The following XRCC2 variants were observed in gnomAD, a reference collection of about 807,000 sequenced individuals.
The protein encoded by XRCC2 is DNA repair protein XRCC2.
In XRCC2, 24 loss-of-function variants were observed where a neutral mutation model predicts 27.3. The observed-to-expected ratio is 0.88, with a 90% CI of 0.64 to 1.24. The LOEUF is 1.24. XRCC2 is among the 50% of genes most tolerant of loss of function. XRCC2 has a pLI of 0.00. For missense variants in XRCC2, 321 were observed against 325.8 expected (o/e 0.99, Z 0.11); for synonymous variants, 106 against 115.4 (o/e 0.92, Z 0.52).
intron 1 of XRCC2, among the ~76,000 whole-genome samples, chr7:152,667,331 T>A (rs1167592992): frequency 7.3e-6 from 1 of 137,772 alleles, no homozygotes; most frequent in African/African-American, 2.8e-5. Context: ...CGCTTGAGTC[T>A]GAGGCAGAGG....
chr7:152,676,025 A>T lies in XRCC2; in HGVS notation c.39+16T>A. On this transcript the variant is annotated intron_variant, in intron 1 of 2. Coordinates refer to ENST00000359321, the MANE Select transcript of XRCC2 (RefSeq NM_005431.2). ...CTTGTTCCCATCTCCCTCACTCCCA[A>T]CCCGGCGGCTCTCACCTCGGTCCCA... 1 of 1,613,162 alleles carries T rather than the reference A, an allele frequency of 6.2e-7. No homozygotes were observed. The highest frequency in any genetic ancestry group is 1.1e-5 in the South Asian group (1 of 91,060).
intron 2 of XRCC2, among the ~76,000 whole-genome samples, chr7:152,649,593 C>T (rs1055444547): frequency 1.1e-4 from 17 of 152,140 alleles, no homozygotes; most frequent in African/African-American, 3.4e-4. Context: ...GGCTCACATG[C>T]ACTCCCACTT....
chr7:152,659,162 C>T (rs2098032013), intron 2 of XRCC2, among the ~76,000 whole-genome samples: 1 of 151,908 alleles, frequency 6.6e-6, no homozygotes, highest in Admixed American at 6.6e-5. Flanking sequence ...TTGATAGTAG[C>T]CTTCCTAATG....
In XRCC2 at chr7:152,645,162, G is replaced by T. The variant is rs895057508; in HGVS notation, c.*3480C>A. 2.0e-5 allele frequency: 3 copies of T among 151,600 alleles called. No homozygotes were observed. The highest frequency in any genetic ancestry group is 7.3e-5 in the African/African-American group (3 of 41,304). 9.4% of individuals were successfully genotyped at this position (151,600 alleles called of 1,614,324 possible). On this transcript the variant is annotated 3_prime_UTR_variant, in exon 3 of 3. Transcript: ENST00000359321. ...ACTCTGCTTCTTACAATAAAGCTTT[G>T]TAATTTTCTCCAAAAAGGTCTTGCA...
At position 152,647,290 on chromosome 7, in the gene XRCC2, C is replaced by T. The variant is rs906630482; in HGVS notation, c.*1352G>A. 1.3e-5 allele frequency: 2 copies of T among 151,352 alleles called. No homozygotes were observed. Among genetic ancestry groups the T allele is most frequent in the African/African-American group, 4.9e-5 (2 of 40,720 alleles). The allele number at this position is 151,352 out of a possible 1,614,324, so 9.4% of individuals were successfully genotyped here. A position where few individuals can be genotyped will look rare whatever the true frequency, so the allele number is the denominator to read the frequency against. On this transcript the variant is annotated 3_prime_UTR_variant, in exon 3 of 3. Coordinates refer to ENST00000359321, the MANE Select transcript of XRCC2 (RefSeq NM_005431.2). Reference sequence around the variant, plus strand: ...AATTTGTTTAAATTACGTATAGATGCTGGATTTCAGACCTTTCTCAGATGC... The same window carrying T: ...AATTTGTTTAAATTACGTATAGATGTTGGATTTCAGACCTTTCTCAGATGC...
At chr7:152,657,151 A>G (rs11543712) in intron 2 of XRCC2, among the ~76,000 whole-genome samples, 149,155 of 149,460 alleles carry the variant, frequency 1, 74,426 homozygotes, top group East Asian at 1. Flanking sequence ...CAGGAGAATC[A>G]CTTGAACCCA....
rs1563035366 is a variant in XRCC2 at position 152,674,745 on chromosome 7, A to ATTTTTAAATATATATTATATATAAATATG, written c.39+1295_39+1296insCATATTTATATATAATATATATTTAAAAA. On this transcript the variant is annotated intron_variant, in intron 1 of 2. Coordinates refer to ENST00000359321, the MANE Select transcript of XRCC2 (RefSeq NM_005431.2). ...TTAAATATATATTATATATAAATAT[A>ATTTTTAAATATATATTATATATAAATATG]TTTTTAAATATATATTATATATAAA... is the stretch of plus-strand genomic sequence containing the variant. Among the ~76,000 whole-genome samples, 41 of 139,570 alleles carry ATTTTTAAATATATATTATATATAAATATG rather than the reference A, an allele frequency of 2.9e-4. 1 individual carries two copies. The highest frequency in any genetic ancestry group is 1.1e-3 in the African/African-American group (39 of 36,238). The allele number at this position is 139,570 out of a possible 152,430, so 91.6% of individuals were successfully genotyped here.
rs1337184659 is a variant in XRCC2, at chr7:152,676,061, T to A, written c.19A>T (p.Arg7Trp). ...CTCACCTCGGTCCCAGACTCAGCCCTATGGAAGGCACTACACATCGCCCCG... is the reference window on the plus strand; with the variant it reads ...CTCACCTCGGTCCCAGACTCAGCCCAATGGAAGGCACTACACATCGCCCCG... MCSAFH[R>W]AESGTELLAR... Residue 7 changes from arginine to tryptophan, a missense_variant, in exon 1 of 3, where the codon AGG becomes TGG. By Grantham distance (101) the Arg-to-Trp change is moderately radical. Transcript: ENST00000359321. The A allele has an allele frequency of 6.2e-7, 1 of 1,613,794 alleles. No homozygotes were observed. The highest frequency in any genetic ancestry group is 8.5e-7 in the Non-Finnish European group (1 of 1,179,786).
At chr7:152,656,763 G>A (rs2116995661) in intron 2 of XRCC2, among the ~76,000 whole-genome samples, 1 of 152,200 alleles carries the variant, frequency 6.6e-6, no homozygotes, top group South Asian at 2.1e-4. Flanking sequence ...AGACCATTCT[G>A]TTTTTTGTCT....
Position 152,647,551 on chromosome 7 carries a change from T to C in XRCC2, c.*1091A>G, listed in dbSNP as rs1318052650. Reference sequence around the variant, plus strand: ...TTTGGGTTTTACATTAAGTCTTTAATCCATCTTGAGTTAATTTTTGTATAT... The same window carrying C: ...TTTGGGTTTTACATTAAGTCTTTAACCCATCTTGAGTTAATTTTTGTATAT... On this transcript the variant is annotated 3_prime_UTR_variant, in exon 3 of 3. Transcript: ENST00000359321. 3 of 152,236 alleles carry C rather than the reference T, an allele frequency of 2.0e-5. No homozygotes were observed. Among genetic ancestry groups the C allele is most frequent in the African/African-American group, 7.2e-5 (3 of 41,450 alleles). The allele number at this position is 152,236 out of a possible 1,614,324, so 9.4% of individuals were successfully genotyped here.
At chr7:152,654,733 T>C (rs1590131964) in intron 2 of XRCC2, among the ~76,000 whole-genome samples, 1 of 135,836 alleles carries the variant, frequency 7.4e-6, no homozygotes, top group African/African-American at 2.5e-5. Flanking sequence ...GGCAAAGAAG[T>C]TGAAGGTTAA....
rs1227014815 is a variant in XRCC2 at position 152,676,106 on chromosome 7, A to C, written c.-27T>G. 1.2e-6 allele frequency: 2 copies of C among 1,613,420 alleles called. No individual in the cohort carries two copies. Among genetic ancestry groups the C allele is most frequent in the Non-Finnish European group, 1.7e-6 (2 of 1,179,712 alleles). Reference sequence around the variant, plus strand: ...GCCCCGAAGGCTCGGCGCAGGAGAGACTCAACTTTCCCGCCACCAACGCCA... The same window carrying C: ...GCCCCGAAGGCTCGGCGCAGGAGAGCCTCAACTTTCCCGCCACCAACGCCA... On this transcript the variant is annotated 5_prime_UTR_variant, in exon 1 of 3. Transcript: ENST00000359321.
In XRCC2 at chr7:152,644,953, TGATGATTCA is replaced by T. The variant is rs562572414; in HGVS notation, c.*3680_*3688del. On this transcript the variant is annotated 3_prime_UTR_variant, in exon 3 of 3. Transcript: ENST00000359321. ...CCGATTTTTCTGAAAGAGATGATTC[TGATGATTCA>T]GATGATTCTGATGTTAGTTCTGTTT... 4.5e-4 allele frequency: 69 copies of T among 152,352 alleles called. No homozygotes were observed. Among genetic ancestry groups the T allele is most frequent in the African/African-American group, 1.5e-3 (63 of 41,592 alleles). The allele number at this position is 152,352 out of a possible 1,614,324, so 9.4% of individuals were successfully genotyped here. A position where few individuals can be genotyped will look rare whatever the true frequency, so the allele number is the denominator to read the frequency against.
At position 152,645,896 on chromosome 7, in the gene XRCC2, G is replaced by A. The variant is rs560440953; in HGVS notation, c.*2746C>T. The A allele has an allele frequency of 2.6e-5, 4 of 152,184 alleles. No homozygotes were observed. Among genetic ancestry groups the A allele is most frequent in the South Asian group, 2.1e-4 (1 of 4,830 alleles). The allele number at this position is 152,184 out of a possible 1,614,324, so 9.4% of individuals were successfully genotyped here. On this transcript the variant is annotated 3_prime_UTR_variant, in exon 3 of 3. Transcript: ENST00000359321. ...GCCACTGCACTCCAGCCTGGGCAACGGAGCGAGACCTTGTCTCTAAAAATA... is the reference window on the plus strand; with the variant it reads ...GCCACTGCACTCCAGCCTGGGCAACAGAGCGAGACCTTGTCTCTAAAAATA...
At chr7:152,657,218 A>G (rs953114570) in intron 2 of XRCC2, among the ~76,000 whole-genome samples, 2 of 132,450 alleles carry the variant, frequency 1.5e-5, no homozygotes, top group African/African-American at 5.7e-5. Context: ...CCTGGGCGAC[A>G]GAGTGAGACT....
At chr7:152,661,693 C>T (rs1343074677) in intron 1 of XRCC2, among the ~76,000 whole-genome samples, 1 of 152,166 alleles carries the variant, frequency 6.6e-6, no homozygotes, top group Non-Finnish European at 1.5e-5. Context: ...GGAAGCCCTA[C>T]AAGAGAGCAG....
chr7:152,665,597 C>T (rs573109833), intron 1 of XRCC2, among the ~76,000 whole-genome samples: 2 of 150,858 alleles, frequency 1.3e-5, no homozygotes, highest in South Asian at 2.1e-4. Context: ...CCTCCCACCT[C>T]GGCCTCCCAA....
intron 1 of XRCC2, among the ~76,000 whole-genome samples, chr7:152,667,142 C>G (rs1358794670): frequency 6.6e-6 from 1 of 151,816 alleles, no homozygotes; most frequent in Non-Finnish European, 1.5e-5. Context: ...TGCGGTGGCT[C>G]ACGCCTGTAA....
rs551742316 is a variant in XRCC2, at chr7:152,664,593, G to A, written c.40-3811C>T. Among the ~76,000 whole-genome samples the A allele has an allele frequency of 2.2e-3, 336 of 152,274 alleles. 1 individual carries two copies. Among genetic ancestry groups the A allele is most frequent in the Non-Finnish European group, 3.2e-3 (215 of 68,020 alleles). ...TCGAGCCTTTAAAGCCCTGGACTGG[G>A]AGTTCCACCACGGGCTCTCCTGGCT... is the stretch of plus-strand genomic sequence containing the variant. On this transcript the variant is annotated intron_variant, in intron 1 of 2. Coordinates refer to ENST00000359321, the MANE Select transcript of XRCC2 (RefSeq NM_005431.2).
Sources: allele counts gnomAD v4.1 joint callset (sites outside exome capture counted in the v4.1 genomes callset), GRCh38; gene constraint gnomAD v4.1.1; transcripts MANE v1.5; gene names NCBI Gene and HGNC (gene_info 2026-07-23, HGNC 2026-07-21).